BST1: variants seen among roughly 807,000 people sequenced by gnomAD.
The protein encoded by BST1 is ADP-ribosyl cyclase/cyclic ADP-ribose hydrolase 2.
Under a neutral mutation model 40.6 loss-of-function variants are expected in BST1, and 49 were observed. The ratio of observed to expected loss-of-function variants is 1.21; its 90% CI spans 0.96 to 1.53. The LOEUF is 1.53. BST1 is among the 40% of genes most tolerant of loss of function. The pLI is 0.00. For synonymous variants in BST1, 157 were observed against 159.3 expected (o/e 0.99, Z 0.11); for missense variants, 423 against 395.9 (o/e 1.07, Z -0.58).
the BST1 span, among the ~76,000 whole-genome samples, chr4:15,748,845 C>T: frequency 6.6e-6 from 1 of 152,218 alleles, no homozygotes; most frequent in Non-Finnish European, 1.5e-5. Flanking sequence ...TGACATCTCT[C>T]AGTTGCTATA....
At chr4:15,714,466 A>C (rs73224662) in intron 4 of BST1, among the ~76,000 whole-genome samples, 24,638 of 152,154 alleles carry the variant, frequency 0.16, 2,002 homozygotes, top group East Asian at 0.24. Context: ...ATGACTGTTG[A>C]ATTTTGCTTT....
downstream of BST1, among the ~76,000 whole-genome samples, chr4:15,741,765 T>C (rs949236788): frequency 2.0e-5 from 3 of 152,176 alleles, no homozygotes; most frequent in African/African-American, 7.2e-5. Flanking sequence ...TCTATTCCGC[T>C]TCTGAGCTAT....
the BST1 span, among the ~76,000 whole-genome samples, chr4:15,764,674 C>T: frequency 2.0e-5 from 3 of 151,652 alleles, no homozygotes; most frequent in Non-Finnish European, 4.4e-5. Flanking sequence ...GTGACGACAC[C>T]CTGATTTTCC....
chr4:15,740,708 T>C (rs1721722023), downstream of BST1, among the ~76,000 whole-genome samples: 1 of 152,102 alleles, frequency 6.6e-6, no homozygotes. Context: ...TAAAATAAAA[T>C]GTAATTTTAT....
At chr4:15,764,673 C>A in the BST1 span, among the ~76,000 whole-genome samples, 2 of 151,790 alleles carry the variant, frequency 1.3e-5, no homozygotes, top group Admixed American at 1.3e-4. Flanking sequence ...GGTGACGACA[C>A]CCTGATTTTC....
intron 4 of BST1, 40 bp from the exon 5 acceptor site, chr4:15,715,245 C>A: frequency 1.3e-6 from 2 of 1,571,672 alleles, no homozygotes; most frequent in South Asian, 1.1e-5. Context: ...AGAAAAATGT[C>A]ACGTCTTTAT....
the BST1 span, among the ~76,000 whole-genome samples, chr4:15,754,040 G>C: frequency 3.3e-4 from 51 of 152,326 alleles, no homozygotes; most frequent in Non-Finnish European, 5.4e-4. Context: ...CCAGGGCAGA[G>C]AGCCAAAGGG....
At chr4:15,716,810 T>C (rs73224664) in intron 6 of BST1, among the ~76,000 whole-genome samples, 1 of 152,172 alleles carries the variant, frequency 6.6e-6, no homozygotes, top group South Asian at 2.1e-4. Context: ...TGTATCTATC[T>C]TGTTGCCCAG....
At chr4:15,724,950 A>T (rs950253038) in intron 8 of BST1, among the ~76,000 whole-genome samples, 3 of 152,108 alleles carry the variant, frequency 2.0e-5, no homozygotes, top group African/African-American at 4.8e-5. Context: ...TGGCTGGTAT[A>T]TGGGCCCACA....
intron 4 of BST1, among the ~76,000 whole-genome samples, chr4:15,713,806 C>G (rs554651462): frequency 6.6e-6 from 1 of 151,302 alleles, no homozygotes; most frequent in Admixed American, 6.6e-5. Flanking sequence ...TAGGTTCAAG[C>G]GATTCTCACA....
chr4:15,723,533 C>A, intron 8 of BST1: 1 of 985,324 alleles, frequency 1.0e-6, no homozygotes, highest in Non-Finnish European at 1.2e-6. Context: ...CAGGCGTAAG[C>A]CACCACGCCT....
chr4:15,739,949 CAG>C (rs925370044), downstream of BST1, among the ~76,000 whole-genome samples: 7 of 151,136 alleles, frequency 4.6e-5, no homozygotes, highest in South Asian at 2.1e-4. Context: ...GACAGAGAAA[CAG>C]AGAGAGACAG....
At chr4:15,744,454 C>G in the BST1 span, among the ~76,000 whole-genome samples, 1 of 152,204 alleles carries the variant, frequency 6.6e-6, no homozygotes, top group Non-Finnish European at 1.5e-5. Context: ...TGAGAACTCA[C>G]TCACCATCAG....
chr4:15,731,114 C>G (rs1161375118), intron 8 of BST1: 1 of 428,326 alleles, frequency 2.3e-6, no homozygotes, highest in Non-Finnish European at 4.4e-6. Context: ...GTCCTTTTCA[C>G]GTGGCCAACA....
chr4:15,705,859 G>A (rs930635900), intron 2 of BST1, among the ~76,000 whole-genome samples: 9 of 152,188 alleles, frequency 5.9e-5, no homozygotes, highest in African/African-American at 2.2e-4. Context: ...CCTGAGACTG[G>A]GTAATTTACA....
At chr4:15,716,836 C>T (rs765455117) in intron 6 of BST1, among the ~76,000 whole-genome samples, 7 of 152,056 alleles carry the variant, frequency 4.6e-5, no homozygotes, top group Admixed American at 6.6e-5. Context: ...AGTGCAGTGG[C>T]GAGATGTCAG....
the BST1 span, among the ~76,000 whole-genome samples, chr4:15,748,281 G>T: frequency 1.3e-5 from 2 of 152,170 alleles, no homozygotes; most frequent in Admixed American, 6.5e-5. Flanking sequence ...CAGGAGCATG[G>T]TGCCGATACT....
chr4:15,749,623 G>A, the BST1 span, among the ~76,000 whole-genome samples: 2 of 152,182 alleles, frequency 1.3e-5, no homozygotes, highest in African/African-American at 2.4e-5. Flanking sequence ...AGCATAACAA[G>A]CCTGAAAGGT....
At chr4:15,765,024 G>T in the BST1 span, among the ~76,000 whole-genome samples, 1 of 151,852 alleles carries the variant, frequency 6.6e-6, no homozygotes, top group Non-Finnish European at 1.5e-5. Context: ...TGGGCTTCAG[G>T]CTTCAGTCTC....
Sources: gnomAD v4.1 joint callset for allele counts (sites outside exome capture counted in the v4.1 genomes callset) on GRCh38, gnomAD v4.1.1 for gene constraint, MANE v1.5 for transcripts, NCBI Gene and HGNC (gene_info 2026-07-23, HGNC 2026-07-21) for gene names.